Variants in PTPRN2 observed in about 807,000 individuals in gnomAD.
PTPRN2 encodes the protein protein tyrosine phosphatase receptor type N2.
Under a neutral mutation model 118.8 loss-of-function variants are expected in PTPRN2, and 74 were observed. The ratio of observed to expected loss-of-function variants is 0.62; its 90% CI spans 0.52 to 0.76. The LOEUF is 0.76. Ranked by LOEUF, PTPRN2 falls within the 30% of genes least tolerant of loss-of-function variation. The probability of loss-of-function intolerance (pLI) is 0.00; values close to 1 mark genes in which losing one functional copy is unlikely to be tolerated. For missense variants in PTPRN2, 1,481 were observed against 1,394.4 expected (o/e 1.06, Z -0.99); for synonymous variants, 641 against 608.0 (o/e 1.05, Z -0.80).
chr7:157,615,571 G>A lies in PTPRN2; in HGVS notation c.2344+5791C>T, dbSNP rs765813908. The stretch of plus-strand genomic sequence containing the variant: ...AAACAATCTCAGCCCTGGAACCAGC[G>A]CCTGGGAAGTCCCGCGGTGGATCCG... On this transcript the variant is annotated intron_variant, in intron 15 of 22. Transcript: ENST00000389418. This position sits in a 1 kb window ranked among gnomAD's most constrained non-coding sequence, Gnocchi z 4.3. 7 of 471,120 alleles carry A rather than the reference G, an allele frequency of 1.5e-5. No homozygotes were observed. The highest frequency in any genetic ancestry group is 6.2e-5 in the South Asian group (4 of 64,572). 29.2% of individuals were successfully genotyped at this position (471,120 alleles called of 1,614,324 possible). A position where few individuals can be genotyped will look rare whatever the true frequency, so the allele number is the denominator to read the frequency against.
intron 3 of PTPRN2, among the ~76,000 whole-genome samples, chr7:158,256,355 G>A (rs1352457978): frequency 6.6e-6 from 1 of 152,218 alleles, no homozygotes; most frequent in Non-Finnish European, 1.5e-5. Context: ...AGGGCACCGA[G>A]GCTTCTCCTC....
chr7:158,452,460 C>T (rs1026246532), intron 2 of PTPRN2, among the ~76,000 whole-genome samples: 3 of 152,226 alleles, frequency 2.0e-5, no homozygotes, highest in African/African-American at 7.2e-5. Flanking sequence ...CGCCAGGCTC[C>T]TCAAGGCCTT....
chr7:157,930,378 AG>A (rs1338332398), intron 11 of PTPRN2, among the ~76,000 whole-genome samples: 1 of 152,158 alleles, frequency 6.6e-6, no homozygotes, highest in Non-Finnish European at 1.5e-5. Context: ...GCCTCCTGAG[AG>A]GGGGTCTCTG....
chr7:158,331,544 G>T (rs1198904776), intron 2 of PTPRN2, among the ~76,000 whole-genome samples: 4 of 144,000 alleles, frequency 2.8e-5, no homozygotes, highest in African/African-American at 1.1e-4. Context: ...GTCACCATAA[G>T]AGCTGACACC....
chr7:158,528,010 A>T (rs933922929), intron 1 of PTPRN2, among the ~76,000 whole-genome samples: 3 of 152,232 alleles, frequency 2.0e-5, no homozygotes, highest in Non-Finnish European at 4.4e-5. Flanking sequence ...ACTCAGCAGG[A>T]CACTCAGTCT....
chr7:158,223,278 T>C (rs968436300), intron 3 of PTPRN2, among the ~76,000 whole-genome samples: 19 of 152,294 alleles, frequency 1.2e-4, no homozygotes, highest in African/African-American at 4.1e-4. Context: ...TCCATAAATA[T>C]CTTCCAGAAA....
At chr7:157,896,398 G>T (rs1445951396) in intron 12 of PTPRN2, among the ~76,000 whole-genome samples, 2 of 152,178 alleles carry the variant, frequency 1.3e-5, no homozygotes, top group East Asian at 3.9e-4. Context: ...GAGCAGCTCT[G>T]TCCTGAAAGG....
intron 13 of PTPRN2, among the ~76,000 whole-genome samples, chr7:157,664,560 T>C (rs1796043845): frequency 6.6e-6 from 1 of 150,952 alleles, no homozygotes; most frequent in Admixed American, 6.6e-5. Context: ...AGCCCAGGAG[T>C]TTGAGACCAG....
At chr7:158,113,447 T>C (rs987158720) in intron 9 of PTPRN2, among the ~76,000 whole-genome samples, 29 of 152,134 alleles carry the variant, frequency 1.9e-4, no homozygotes, top group African/African-American at 7.0e-4. Context: ...AGGGCATGGC[T>C]GTGTGTGCCC....
chr7:157,676,212 GTTCCTCCT>G lies in PTPRN2; in HGVS notation c.2001+6505_2001+6512del. Among the ~76,000 whole-genome samples the G allele has an allele frequency of 6.6e-6, 1 of 152,086 alleles. No homozygotes were observed. The highest frequency in any genetic ancestry group is 2.1e-4 in the South Asian group (1 of 4,820). ...GGGAGGACCTCTTCCCTCTAGCCCA[GTTCCTCCT>G]GGCAGCCCTGCAAATGCCCACCCTC... On this transcript the variant is annotated intron_variant, in intron 13 of 22. Transcript: ENST00000389418. The surrounding 1 kb of genome is among the most constrained non-coding windows in gnomAD (Gnocchi z 5.6).
At chr7:158,441,061 G>T (rs115403329) in intron 2 of PTPRN2, among the ~76,000 whole-genome samples, 1,518 of 51,942 alleles carry the variant, frequency 0.029, 21 homozygotes, top group Non-Finnish European at 0.05. Context: ...GTAGTGATGG[G>T]GGTGGTAGTG....
chr7:158,433,131 GT>G (rs112851430), intron 2 of PTPRN2, among the ~76,000 whole-genome samples: 1 of 152,222 alleles, frequency 6.6e-6, no homozygotes, highest in African/African-American at 2.4e-5. Flanking sequence ...GTAGCTGGTG[GT>G]TTTTTATTGC....
intron 11 of PTPRN2, among the ~76,000 whole-genome samples, chr7:157,925,192 C>A (rs1798905312): frequency 6.8e-6 from 1 of 147,904 alleles, no homozygotes; most frequent in Non-Finnish European, 1.5e-5. Flanking sequence ...GATGCAGGCA[C>A]CTGCATTTAG....
At chr7:157,669,482 C>T (rs1796302878) in intron 13 of PTPRN2, 1 of 468,454 alleles carries the variant, frequency 2.1e-6, no homozygotes, top group Middle Eastern at 3.2e-4. Context: ...AAGCCAGGGC[C>T]ACAGAGCTCT....
At chr7:158,304,733 A>G (rs865982949) in intron 3 of PTPRN2, among the ~76,000 whole-genome samples, 2 of 152,040 alleles carry the variant, frequency 1.3e-5, no homozygotes, top group Non-Finnish European at 2.9e-5. Context: ...CTGGGTTAAG[A>G]TAAGGGACTG....
intron 1 of PTPRN2, among the ~76,000 whole-genome samples, chr7:158,506,402 A>G (rs10256091): frequency 0.27 from 40,351 of 151,910 alleles, 5,768 homozygotes; most frequent in East Asian, 0.43. Context: ...TAGAATGACT[A>G]AGTGACACCG....
At chr7:158,372,236 G>A (rs1168917185) in intron 2 of PTPRN2, among the ~76,000 whole-genome samples, 2 of 142,542 alleles carry the variant, frequency 1.4e-5, no homozygotes, top group African/African-American at 2.7e-5. Context: ...GCTGGACCCC[G>A]GAGCTGGCCT....
intron 4 of PTPRN2, among the ~76,000 whole-genome samples, chr7:158,197,044 G>A (rs889188406): frequency 3.9e-5 from 6 of 152,158 alleles, no homozygotes; most frequent in South Asian, 2.1e-4. Context: ...GTGTGTGTGC[G>A]TGTGCATGTG....
intron 6 of PTPRN2, among the ~76,000 whole-genome samples, chr7:158,159,296 G>A (rs1311633342): frequency 1.3e-5 from 2 of 152,252 alleles, no homozygotes; most frequent in Non-Finnish European, 2.9e-5. Context: ...AGTTCTTCCA[G>A]CTTCCACATG....
Sources: allele counts gnomAD v4.1 joint callset (sites outside exome capture counted in the v4.1 genomes callset), GRCh38; gene constraint gnomAD v4.1.1; non-coding constraint Gnocchi (gnomAD v3.1); transcripts MANE v1.5; gene names NCBI Gene and HGNC (gene_info 2026-07-23, HGNC 2026-07-21).